AFG2A: variants seen among roughly 807,000 people sequenced by gnomAD.
AFG2A encodes the protein ATPase family gene 2 protein homolog A.
chr4:123,225,780 G>C, the AFG2A span, among the ~76,000 whole-genome samples: 2 of 152,162 alleles, frequency 1.3e-5, no homozygotes, highest in Admixed American at 1.3e-4. Context: ...GGATGGCATT[G>C]AATCTGTAAA....
chr4:123,060,063 A>G, the AFG2A span, among the ~76,000 whole-genome samples: 3 of 152,332 alleles, frequency 2.0e-5, no homozygotes, highest in South Asian at 6.2e-4. Context: ...CCTTTGATCC[A>G]TGCCTCACAT....
At chr4:123,309,036 A>G in the AFG2A span, among the ~76,000 whole-genome samples, 1 of 152,036 alleles carries the variant, frequency 6.6e-6, no homozygotes, top group South Asian at 2.1e-4. Context: ...GAATGGGGAG[A>G]GCAAAAGTAA....
At chr4:122,978,933 C>T in the AFG2A span, among the ~76,000 whole-genome samples, 43 of 152,306 alleles carry the variant, frequency 2.8e-4, no homozygotes, top group Non-Finnish European at 5.3e-4. Context: ...CCTGTTGGGG[C>T]AGGGGGTGCT....
At chr4:123,073,492 A>G in the AFG2A span, among the ~76,000 whole-genome samples, 2 of 152,106 alleles carry the variant, frequency 1.3e-5, no homozygotes, top group South Asian at 2.1e-4. Flanking sequence ...TCTTCAAGGT[A>G]TTTATGCGGT....
At chr4:123,219,997 G>A in the AFG2A span, among the ~76,000 whole-genome samples, 1 of 152,022 alleles carries the variant, frequency 6.6e-6, no homozygotes. Context: ...AGCCTCCCGA[G>A]TAGCTGAGAC....
At chr4:123,227,204 A>G in the AFG2A span, among the ~76,000 whole-genome samples, 10 of 151,634 alleles carry the variant, frequency 6.6e-5, no homozygotes, top group African/African-American at 2.4e-4. Flanking sequence ...TTGTGTGTCT[A>G]TTTCCTTCAG....
chr4:123,315,418 TCTC>T, the AFG2A span: 1 of 148,156 alleles, frequency 6.7e-6, no homozygotes, highest in Admixed American at 6.9e-5. Context: ...ATGATCTCGA[TCTC>T]CTGACCTCGT....
At chr4:123,025,183 G>A in the AFG2A span, among the ~76,000 whole-genome samples, 1 of 152,160 alleles carries the variant, frequency 6.6e-6, no homozygotes, top group African/African-American at 2.4e-5. Flanking sequence ...CCTCAAGTTG[G>A]AGAAAAGATT....
chr4:122,949,956 C>T, the AFG2A span, among the ~76,000 whole-genome samples: 1 of 152,202 alleles, frequency 6.6e-6, no homozygotes, highest in Admixed American at 6.5e-5. Context: ...CCCAGAACCA[C>T]GTAATGATGT....
At chr4:122,925,666 C>T in the AFG2A span, among the ~76,000 whole-genome samples, 1 of 152,216 alleles carries the variant, frequency 6.6e-6, no homozygotes, top group African/African-American at 2.4e-5. Flanking sequence ...CTTTGAGAAA[C>T]ATTCTCTTAT....
At chr4:123,267,262 A>G in the AFG2A span, among the ~76,000 whole-genome samples, 1 of 152,078 alleles carries the variant, frequency 6.6e-6, no homozygotes, top group African/African-American at 2.4e-5. Flanking sequence ...AGAAAAGTAG[A>G]AAGAATTTAG....
At chr4:123,281,671 C>G in the AFG2A span, among the ~76,000 whole-genome samples, 1 of 152,008 alleles carries the variant, frequency 6.6e-6, no homozygotes, top group Non-Finnish European at 1.5e-5. Context: ...ACACTAAAAA[C>G]AGAACAGAAA....
the AFG2A span, among the ~76,000 whole-genome samples, chr4:123,202,663 A>T: frequency 6.6e-6 from 1 of 152,090 alleles, no homozygotes; most frequent in Admixed American, 6.5e-5. Flanking sequence ...CTGCACTCTC[A>T]TGTTTTTCTG....
At chr4:122,962,289 C>G in the AFG2A span, among the ~76,000 whole-genome samples, 1 of 151,948 alleles carries the variant, frequency 6.6e-6, no homozygotes, top group Non-Finnish European at 1.5e-5. Flanking sequence ...TTACAAGGGA[C>G]GTATTATTGT....
the AFG2A span, among the ~76,000 whole-genome samples, chr4:123,135,228 T>TCTTC: frequency 4.5e-5 from 1 of 22,184 alleles, no homozygotes; most frequent in Non-Finnish European, 3.4e-4. Context: ...ATTAAAAATC[T>TCTTC]AACAAATTAG....
the AFG2A span, among the ~76,000 whole-genome samples, chr4:123,017,151 GGGGAGAGGGAAGGGGAGA>G: frequency 5.8e-3 from 463 of 80,206 alleles, 35 homozygotes; most frequent in East Asian, 0.034. Context: ...GAGGGAGAGG[GGGGAGAGGGAAGGGGAGA>G]GGGAGAGGGG....
chr4:123,032,041 G>C, the AFG2A span, among the ~76,000 whole-genome samples: 3 of 152,168 alleles, frequency 2.0e-5, no homozygotes, highest in Admixed American at 2.0e-4. Flanking sequence ...TAGATTAATT[G>C]CCCTGGGATA....
chr4:123,173,344 T>G, the AFG2A span, among the ~76,000 whole-genome samples: 2 of 14,240 alleles, frequency 1.4e-4, no homozygotes, highest in Admixed American at 8.9e-4. Context: ...CCAATGGTTT[T>G]TTTTTTTTTT....
chr4:123,117,904 A>G, the AFG2A span, among the ~76,000 whole-genome samples: 2 of 151,864 alleles, frequency 1.3e-5, no homozygotes, highest in South Asian at 2.1e-4. Flanking sequence ...CGCAACTAAT[A>G]TAGAGAAAAA....
Sources: allele counts gnomAD v4.1 joint callset (sites outside exome capture counted in the v4.1 genomes callset), GRCh38; gene constraint gnomAD v4.1.1; transcripts MANE v1.5; gene names NCBI Gene and HGNC (gene_info 2026-07-23, HGNC 2026-07-21).